The following SLC24A2 variants were observed in gnomAD, a reference collection of about 807,000 sequenced individuals.
SLC24A2 encodes solute carrier family 24 member 2, also known as sodium/potassium/calcium exchanger 2.
Under a neutral mutation model 62.0 loss-of-function variants are expected in SLC24A2, and 36 were observed. The ratio of observed to expected loss-of-function variants is 0.58; its 90% confidence interval spans 0.44 to 0.77. The LOEUF (loss-of-function observed/expected upper bound fraction) is 0.77, where lower values mean the gene tolerates loss of function less well. SLC24A2 is among the 30% of genes least tolerant of loss of function. The pLI is 0.00. For missense variants in SLC24A2, 846 were observed against 817.9 expected, an observed-to-expected ratio of 1.03 and a Z score of -0.42; for synonymous variants, 358 against 294.0, an observed-to-expected ratio of 1.22 and a Z score of -2.23.
intron 2 of SLC24A2, among the ~76,000 whole-genome samples, chr9:19,728,471 C>G (rs903068915): frequency 6.6e-6 from 1 of 151,878 alleles, no homozygotes; most frequent in African/African-American, 2.4e-5. Flanking sequence ...GTCGGTAATG[C>G]AGTTTCAGCT....
At chr9:20,272,600 A>T in the SLC24A2 span, among the ~76,000 whole-genome samples, 11 of 152,236 alleles carry the variant, frequency 7.2e-5, no homozygotes, top group Non-Finnish European at 2.9e-5. Context: ...CTAAAACTCC[A>T]TATTCTGTAG....
the SLC24A2 span, among the ~76,000 whole-genome samples, chr9:20,245,979 C>T: frequency 1.3e-5 from 2 of 152,050 alleles, no homozygotes; most frequent in East Asian, 1.9e-4. Flanking sequence ...AAGGGGGAGC[C>T]AGGATTTGAA....
At chr9:19,568,692 C>G (rs1459677809) in intron 7 of SLC24A2, among the ~76,000 whole-genome samples, 1 of 152,184 alleles carries the variant, frequency 6.6e-6, no homozygotes. Context: ...TCCTCAGAGT[C>G]TGTGTGATAG....
chr9:20,080,030 T>C, the SLC24A2 span, among the ~76,000 whole-genome samples: 1 of 152,082 alleles, frequency 6.6e-6, no homozygotes, highest in Non-Finnish European at 1.5e-5. Flanking sequence ...AGAATCAATA[T>C]TGTGAAAATG....
chr9:19,704,135 T>C (rs993731422), intron 2 of SLC24A2, among the ~76,000 whole-genome samples: 2 of 146,020 alleles, frequency 1.4e-5, no homozygotes, highest in East Asian at 2.0e-4. Context: ...TTTTCACCTA[T>C]ACCTGGAACT....
At position 19,590,175 on chromosome 9, in the gene SLC24A2, TC is replaced by T. The variant is rs1587003194; in HGVS notation, c.1129+7053del. Among the ~76,000 whole-genome samples, 3 of 139,350 alleles carry T rather than the reference TC, an allele frequency of 2.2e-5. No individual in the cohort carries two copies. The East Asian group carries it at 6.4e-4, about 30-fold the overall frequency. 91.4% of individuals were successfully genotyped at this position (139,350 alleles called of 152,430 possible). On this transcript the variant is annotated intron_variant, in intron 5 of 10. Coordinates refer to ENST00000341998, the MANE Select transcript of SLC24A2 (RefSeq NM_020344.4). The stretch of plus-strand genomic sequence containing the variant: ...AAAGAGGCTGTGGTAACAACTAACT[TC>T]TAAAACATTTTCAAATTGTTTCCTA...
At chr9:19,977,737 G>C in the SLC24A2 span, among the ~76,000 whole-genome samples, 1 of 152,152 alleles carries the variant, frequency 6.6e-6, no homozygotes, top group African/African-American at 2.4e-5. Flanking sequence ...TAAACCAAAT[G>C]ATCTTCAGCT....
At chr9:20,129,438 G>A in the SLC24A2 span, among the ~76,000 whole-genome samples, 7 of 152,006 alleles carry the variant, frequency 4.6e-5, no homozygotes, top group African/African-American at 7.2e-5. Context: ...TAATTTACAC[G>A]AAGAATTAAA....
chr9:20,033,203 A>T, the SLC24A2 span, among the ~76,000 whole-genome samples: 1 of 152,194 alleles, frequency 6.6e-6, no homozygotes, highest in South Asian at 2.1e-4. Context: ...GTTTTCAAAA[A>T]GACCTTGAGC....
At chr9:19,979,070 G>C in the SLC24A2 span, among the ~76,000 whole-genome samples, 1 of 152,190 alleles carries the variant, frequency 6.6e-6, no homozygotes, top group South Asian at 2.1e-4. Flanking sequence ...GTGAAGAGCA[G>C]AGGAATAAAA....
chr9:20,205,688 G>A, the SLC24A2 span, among the ~76,000 whole-genome samples: 6 of 141,548 alleles, frequency 4.2e-5, no homozygotes, highest in East Asian at 6.1e-4. Context: ...ACAAAAAAAC[G>A]TTTACCTCAG....
At chr9:20,008,167 A>T in the SLC24A2 span, among the ~76,000 whole-genome samples, 1 of 151,852 alleles carries the variant, frequency 6.6e-6, no homozygotes, top group Non-Finnish European at 1.5e-5. Flanking sequence ...AAGTGCTGAG[A>T]TTACAGGCTT....
At chr9:20,210,578 A>G in the SLC24A2 span, among the ~76,000 whole-genome samples, 3 of 143,304 alleles carry the variant, frequency 2.1e-5, no homozygotes, top group South Asian at 2.3e-4. Context: ...GGTTCACGCC[A>G]TTCTCCTGCC....
At chr9:20,187,838 G>T in the SLC24A2 span, among the ~76,000 whole-genome samples, 1 of 152,158 alleles carries the variant, frequency 6.6e-6, no homozygotes, top group Non-Finnish European at 1.5e-5. Flanking sequence ...CAAAGTGTTA[G>T]AAATGCAGAA....
At chr9:19,729,195 C>A (rs1434508920) in intron 2 of SLC24A2, among the ~76,000 whole-genome samples, 1 of 152,104 alleles carries the variant, frequency 6.6e-6, no homozygotes, top group Non-Finnish European at 1.5e-5. Context: ...TATCATTTCA[C>A]CCCAGTTAGG....
At chr9:19,945,639 C>T in the SLC24A2 span, among the ~76,000 whole-genome samples, 10 of 152,246 alleles carry the variant, frequency 6.6e-5, no homozygotes, top group African/African-American at 1.4e-4. Flanking sequence ...GGAATCCTCA[C>T]GATACTCCTT....
the SLC24A2 span, among the ~76,000 whole-genome samples, chr9:19,925,885 C>A: frequency 6.6e-6 from 1 of 152,118 alleles, no homozygotes; most frequent in East Asian, 1.9e-4. Flanking sequence ...CACGTGAATC[C>A]TTTTTAAAGA....
At chr9:19,665,588 T>C (rs143536840) in intron 2 of SLC24A2, among the ~76,000 whole-genome samples, 101 of 152,178 alleles carry the variant, frequency 6.6e-4, no homozygotes, top group African/African-American at 2.2e-3. Flanking sequence ...CTAAGAGACG[T>C]CGGGTGAATC....
chr9:19,782,209 G>A (rs1333168016), intron 2 of SLC24A2, among the ~76,000 whole-genome samples: 1 of 152,110 alleles, frequency 6.6e-6, no homozygotes, highest in East Asian at 1.9e-4. Context: ...CAGATCAACG[G>A]CCCCCAGCAG....
Sources: allele counts gnomAD v4.1 joint callset (sites outside exome capture counted in the v4.1 genomes callset), GRCh38; gene constraint gnomAD v4.1.1; transcripts MANE v1.5; gene names NCBI Gene and HGNC (gene_info 2026-07-23, HGNC 2026-07-21).